CACNA2D2: variants seen among roughly 807,000 people sequenced by gnomAD.
CACNA2D2 encodes calcium voltage-gated channel auxiliary subunit alpha2delta 2.
A neutral mutation model predicts 166.4 loss-of-function variants in CACNA2D2; 48 were observed. The ratio of observed to expected loss-of-function variants is 0.29; its 90% CI spans 0.23 to 0.37. The LOEUF (loss-of-function observed/expected upper bound fraction) is 0.37, where lower values mean the gene tolerates loss of function less well. CACNA2D2 is among the 10% of genes least tolerant of loss of function. The pLI, the probability that CACNA2D2 is intolerant of heterozygous loss-of-function variation, is 1.00. For synonymous variants in CACNA2D2, 561 were observed against 573.7 expected (o/e 0.98, Z 0.32); for missense variants, 1,122 against 1,433.0 (o/e 0.78, Z 3.50).
intron 1 of CACNA2D2, among the ~76,000 whole-genome samples, chr3:50,483,738 G>C (rs1299834679): frequency 6.6e-6 from 1 of 152,216 alleles, no homozygotes; most frequent in African/African-American, 2.4e-5. Flanking sequence ...TAACCAAGGA[G>C]TGGTAGCCTG....
chr3:50,490,175 C>A (rs1251741732), intron 1 of CACNA2D2, among the ~76,000 whole-genome samples: 2 of 152,188 alleles, frequency 1.3e-5, no homozygotes, highest in Non-Finnish European at 2.9e-5. Context: ...GCCAGGTGAT[C>A]TCCCTGGGAC....
intron 2 of CACNA2D2, among the ~76,000 whole-genome samples, chr3:50,465,096 C>T (rs1196788897): frequency 1.3e-5 from 2 of 152,202 alleles, no homozygotes; most frequent in Non-Finnish European, 1.5e-5. Context: ...TGATCCTTCC[C>T]GGAGGAGGAG....
rs1704318701 is a variant in CACNA2D2, at chr3:50,366,760, G to A, written c.2589+71C>T. Reference sequence around the variant, plus strand: ...TAGGTGTTGGAGCCACTGAGTGGAGGGTTGGTGGGGGTTCCAGGGGACTCC... The same window carrying A: ...TAGGTGTTGGAGCCACTGAGTGGAGAGTTGGTGGGGGTTCCAGGGGACTCC... On this transcript the variant is annotated intron_variant, in intron 29 of 37. Coordinates refer to ENST00000424201, the MANE Select transcript of CACNA2D2 (RefSeq NM_006030.4). The surrounding 1 kb of genome is among the most constrained non-coding windows in gnomAD (Gnocchi z 5.9). The A allele has an allele frequency of 2.6e-6, 4 of 1,554,346 alleles. No individual in the cohort carries two copies. The highest frequency in any genetic ancestry group is 3.5e-6 in the Non-Finnish European group (4 of 1,131,786).
rs546863656 is a variant in CACNA2D2 at position 50,473,012 on chromosome 3, G to A, written c.288+3106C>T. Among the ~76,000 whole-genome samples, 9 of 152,320 alleles carry A rather than the reference G, an allele frequency of 5.9e-5. No homozygotes were observed. In the East Asian group the frequency reaches 1.4e-3, roughly 23 times the overall value. On this transcript the variant is annotated intron_variant, in intron 2 of 37. Transcript: ENST00000424201. The stretch of plus-strand genomic sequence containing the variant: ...CCTATTGAGGGCAAGAGTGGGCCAC[G>A]GGTTGGGGGAGTTGGGCTGGGGAAC...
chr3:50,414,618 G>A (rs1469093360), intron 3 of CACNA2D2, among the ~76,000 whole-genome samples: 3 of 152,294 alleles, frequency 2.0e-5, no homozygotes, highest in South Asian at 2.1e-4. Context: ...GACAGATGCC[G>A]CCCAAAGCTG....
At chr3:50,423,854 G>A (rs1707684769) in intron 3 of CACNA2D2, among the ~76,000 whole-genome samples, 1 of 152,236 alleles carries the variant, frequency 6.6e-6, no homozygotes. Flanking sequence ...GTGGGGACAG[G>A]GCCCTTGACA....
intron 2 of CACNA2D2, among the ~76,000 whole-genome samples, chr3:50,471,397 C>T (rs561681385): frequency 3.9e-5 from 6 of 152,308 alleles, no homozygotes; most frequent in South Asian, 4.1e-4. Context: ...GGGGGGACAG[C>T]TTCTTGTGCT....
chr3:50,386,074 G>A (rs114612309), intron 5 of CACNA2D2, among the ~76,000 whole-genome samples: 2 of 152,158 alleles, frequency 1.3e-5, no homozygotes, highest in African/African-American at 4.8e-5. Flanking sequence ...CAACAAGCAG[G>A]GGAGTTGGAA....
chr3:50,380,656 T>C lies in CACNA2D2; in HGVS notation c.842+92A>G. The C allele has an allele frequency of 3.7e-6, 4 of 1,071,038 alleles. No individual in the cohort carries two copies. Among genetic ancestry groups the C allele is most frequent in the Non-Finnish European group, 5.3e-6 (4 of 758,472 alleles). 66.3% of individuals were successfully genotyped at this position (1,071,038 alleles called of 1,614,324 possible). A position where few individuals can be genotyped will look rare whatever the true frequency, so the allele number is the denominator to read the frequency against. On this transcript the variant is annotated intron_variant, in intron 8 of 37. Transcript: ENST00000424201. This position sits in a 1 kb window ranked among gnomAD's most constrained non-coding sequence, Gnocchi z 4.9. ...TTGGATACAGCTGGCTGCGCCCTGC[T>C]AGGAGGCTTGGAAATGGGGAGGGAG...
At chr3:50,450,690 A>T (rs928021529) in intron 2 of CACNA2D2, among the ~76,000 whole-genome samples, 6 of 152,176 alleles carry the variant, frequency 3.9e-5, no homozygotes, top group Non-Finnish European at 5.9e-5. Flanking sequence ...GGCTGTTGGA[A>T]CACTGAGGCT....
chr3:50,469,593 C>G (rs762894323), intron 2 of CACNA2D2, among the ~76,000 whole-genome samples: 19 of 150,116 alleles, frequency 1.3e-4, no homozygotes, highest in Non-Finnish European at 2.2e-4. Context: ...TGCAGCCGTT[C>G]CTTGCTCCTG....
intron 3 of CACNA2D2, among the ~76,000 whole-genome samples, chr3:50,404,988 C>T (rs987251545): frequency 2.6e-5 from 4 of 152,306 alleles, no homozygotes; most frequent in South Asian, 4.2e-4. Context: ...AACAAGAGAG[C>T]CTGAGTCCCA....
intron 23 of CACNA2D2, among the ~76,000 whole-genome samples, chr3:50,369,989 C>T (rs1274183839): frequency 6.6e-6 from 1 of 152,180 alleles, no homozygotes; most frequent in African/African-American, 2.4e-5. Flanking sequence ...AGCTGCCTGG[C>T]GAGGGGTGGG....
intron 2 of CACNA2D2, among the ~76,000 whole-genome samples, chr3:50,436,951 C>A (rs1350388988): frequency 6.6e-6 from 1 of 152,230 alleles, no homozygotes; most frequent in Non-Finnish European, 1.5e-5. Context: ...ATGGTGGAGC[C>A]TAGACACTGG....
intron 2 of CACNA2D2, among the ~76,000 whole-genome samples, chr3:50,466,371 G>A (rs1287545753): frequency 2.0e-5 from 3 of 152,104 alleles, no homozygotes; most frequent in Non-Finnish European, 2.9e-5. Flanking sequence ...TCGGGTGACA[G>A]AGCTCTCCAC....
Position 50,366,346 on chromosome 3 carries a change from G to A in CACNA2D2, c.2638-8C>T, listed in dbSNP as rs980203801. On this transcript the variant is annotated splice_polypyrimidine_tract_variant and splice_region_variant and intron_variant, in intron 30 of 37. Transcript: ENST00000424201. The surrounding 1 kb of genome is among the most constrained non-coding windows in gnomAD (Gnocchi z 5.9). ...GAGGACACAGAGTAAGTCCTAGGAG[G>A]AAGGGAATGGGGAGGAAAATGGAGA... The A allele has an allele frequency of 1.9e-6, 3 of 1,613,836 alleles. No homozygotes were observed. Among genetic ancestry groups the A allele is most frequent in the Non-Finnish European group, 2.5e-6 (3 of 1,179,804 alleles).
chr3:50,455,799 G>A (rs1020303090), intron 2 of CACNA2D2, among the ~76,000 whole-genome samples: 3 of 152,168 alleles, frequency 2.0e-5, no homozygotes, highest in Non-Finnish European at 4.4e-5. Context: ...GGCTTCCTCC[G>A]GCGTCTCACC....
chr3:50,480,183 T>A (rs1364153702), intron 1 of CACNA2D2, among the ~76,000 whole-genome samples: 1 of 152,144 alleles, frequency 6.6e-6, no homozygotes, highest in African/African-American at 2.4e-5. Flanking sequence ...CCTGACTCCA[T>A]CTATTCCATG....
intron 1 of CACNA2D2, among the ~76,000 whole-genome samples, chr3:50,502,555 G>A (rs1199301298): frequency 3.3e-5 from 5 of 152,228 alleles, no homozygotes; most frequent in Admixed American, 2.0e-4. Context: ...AGCAGGCGCA[G>A]GCAGGGGTCC....
Sources: allele counts gnomAD v4.1 joint callset (sites outside exome capture counted in the v4.1 genomes callset), GRCh38; gene constraint gnomAD v4.1.1; non-coding constraint Gnocchi (gnomAD v3.1); transcripts MANE v1.5; gene names NCBI Gene and HGNC (gene_info 2026-07-23, HGNC 2026-07-21).